CCDC93: variants seen among roughly 807,000 people sequenced by gnomAD.
The protein encoded by CCDC93 is coiled-coil domain-containing protein 93.
A neutral mutation model predicts 108.2 loss-of-function variants in CCDC93; 61 were observed. The observed-to-expected ratio is 0.56, with a 90% CI of 0.46 to 0.70. The LOEUF (loss-of-function observed/expected upper bound fraction) is 0.70. CCDC93 is among the 30% of genes least tolerant of loss of function. The probability of loss-of-function intolerance (pLI) is 0.00; values close to 1 mark genes in which losing one functional copy is unlikely to be tolerated. For missense variants in CCDC93, 685 were observed against 764.2 expected (o/e 0.90, Z 1.22); for synonymous variants, 276 against 260.4 (o/e 1.06, Z -0.58).
rs1162176329 is a variant in CCDC93 at position 117,917,637 on chromosome 2, T to C, written c.*2706A>G. On this transcript the variant is annotated 3_prime_UTR_variant, in exon 24 of 24. Transcript: ENST00000376300. ...ACTCTGACGACTGTTTAACATTCTG[T>C]ACCTCCCTCTAGTGGTGTTAGCTAA... 1 of 152,284 alleles carries C rather than the reference T, an allele frequency of 6.6e-6. No individual in the cohort carries two copies. The highest frequency in any genetic ancestry group is 2.4e-5 in the African/African-American group (1 of 41,456). The allele number at this position is 152,284 out of a possible 1,614,324, so 9.4% of individuals were successfully genotyped here.
chr2:117,989,429 G>C (rs1680412597), intron 6 of CCDC93, among the ~76,000 whole-genome samples: 1 of 152,104 alleles, frequency 6.6e-6, no homozygotes, highest in Non-Finnish European at 1.5e-5. Context: ...ACCTGTCAAA[G>C]CATCACCCAA....
chr2:117,962,218 A>G (rs572581125), intron 11 of CCDC93, among the ~76,000 whole-genome samples: 1 of 152,342 alleles, frequency 6.6e-6, no homozygotes, highest in African/African-American at 2.4e-5. Flanking sequence ...GTTCTCTCCT[A>G]TATCATCTCC....
At chr2:117,961,137 C>T (rs1470642208) in intron 11 of CCDC93, among the ~76,000 whole-genome samples, 1 of 151,930 alleles carries the variant, frequency 6.6e-6, no homozygotes, top group Non-Finnish European at 1.5e-5. Context: ...ACTGGCCAGC[C>T]ATCGTTTATG....
chr2:117,960,547 C>T (rs1679356557), intron 11 of CCDC93, among the ~76,000 whole-genome samples: 2 of 152,218 alleles, frequency 1.3e-5, no homozygotes, highest in Admixed American at 1.3e-4. Context: ...CCCCACCCAG[C>T]TTCCATGCTC....
At position 117,964,519 on chromosome 2, in the gene CCDC93, C is replaced by T. The variant is rs755980292; in HGVS notation, c.889-6038G>A. Among the ~76,000 whole-genome samples, 10 of 152,116 alleles carry T rather than the reference C, an allele frequency of 6.6e-5. No homozygotes were observed. The East Asian group carries it at 7.7e-4, about 12-fold the overall frequency. ...CCTGGGAGACAAGCAAAGAAACAAA[C>T]GAAACAGTGCTTGAGGGAAGTGCTA... On this transcript the variant is annotated intron_variant, in intron 11 of 23. Coordinates refer to ENST00000376300, the MANE Select transcript of CCDC93 (RefSeq NM_019044.5).
chr2:117,973,626 T>C (rs1020463273), intron 11 of CCDC93, among the ~76,000 whole-genome samples: 4 of 152,116 alleles, frequency 2.6e-5, no homozygotes, highest in Non-Finnish European at 4.4e-5. Flanking sequence ...GCTCATCCCA[T>C]ACCCTCAGGC....
intron 11 of CCDC93, among the ~76,000 whole-genome samples, chr2:117,969,577 C>T (rs189326890): frequency 9.2e-5 from 14 of 152,312 alleles, no homozygotes; most frequent in African/African-American, 3.4e-4. Context: ...GAAAGCTAGC[C>T]TGGTACTATT....
intron 1 of CCDC93, 124 bp downstream of exon 1, chr2:118,013,830 G>C (rs1336244404): frequency 2.0e-5 from 17 of 839,002 alleles, no homozygotes; most frequent in Non-Finnish European, 3.1e-5. Flanking sequence ...CCCTGAGGTG[G>C]ATACGCCTGA....
chr2:117,939,207 G>T, intron 19 of CCDC93, 96 bp from the exon 20 acceptor site: 1 of 730,764 alleles, frequency 1.4e-6, no homozygotes, highest in Non-Finnish European at 2.4e-6. Flanking sequence ...GGACAACTTT[G>T]TCAGGCCTGG....
intron 23 of CCDC93, among the ~76,000 whole-genome samples, chr2:117,924,124 T>C (rs1021480432): frequency 6.6e-6 from 1 of 152,066 alleles, no homozygotes; most frequent in African/African-American, 2.4e-5. Flanking sequence ...CAAAACCCCA[T>C]CTGTACATCA....
At chr2:117,942,890 T>C (rs1678747191) in intron 18 of CCDC93, among the ~76,000 whole-genome samples, 1 of 152,268 alleles carries the variant, frequency 6.6e-6, no homozygotes, top group Admixed American at 6.5e-5. Context: ...CTATTTATTA[T>C]ACTCCTCTCG....
chr2:117,956,526 A>G (rs1486682122), intron 12 of CCDC93, among the ~76,000 whole-genome samples: 1 of 152,178 alleles, frequency 6.6e-6, no homozygotes, highest in East Asian at 1.9e-4. Context: ...TCAGAGATAA[A>G]GACACCATAA....
At chr2:117,929,116 G>C (rs541736789) in intron 23 of CCDC93, among the ~76,000 whole-genome samples, 1 of 151,818 alleles carries the variant, frequency 6.6e-6, no homozygotes, top group African/African-American at 2.4e-5. Context: ...GTTGTGGGGT[G>C]GGGGGAGGTG....
At chr2:117,966,425 T>TC in intron 11 of CCDC93, among the ~76,000 whole-genome samples, 1 of 151,986 alleles carries the variant, frequency 6.6e-6, no homozygotes, top group Admixed American at 6.6e-5. Context: ...GCCATTTGAG[T>TC]CCCCCACTAA....
At chr2:117,944,537 G>T (rs1678806655) in intron 17 of CCDC93, among the ~76,000 whole-genome samples, 1 of 151,934 alleles carries the variant, frequency 6.6e-6, no homozygotes, top group Admixed American at 6.5e-5. Flanking sequence ...ACTGCAAAAA[G>T]TTCTTTTGGA....
At chr2:117,945,429 G>A (rs573327113) in intron 17 of CCDC93, 100 bp downstream of exon 17, 1 of 943,076 alleles carries the variant, frequency 1.1e-6, no homozygotes. Context: ...GTTGGCCATA[G>A]AGCACATTAA....
intron 20 of CCDC93, among the ~76,000 whole-genome samples, chr2:117,938,364 A>G (rs1208515149): frequency 6.6e-6 from 1 of 152,182 alleles, no homozygotes; most frequent in African/African-American, 2.4e-5. Context: ...TTTGTCATCA[A>G]CTTGGGAAAG....
Position 117,916,110 on chromosome 2 carries a change from C to G in CCDC93, c.*4233G>C, listed in dbSNP as rs1677674602. On this transcript the variant is annotated 3_prime_UTR_variant, in exon 24 of 24. Coordinates refer to ENST00000376300, the MANE Select transcript of CCDC93 (RefSeq NM_019044.5). ...TATGCATTTGCACTTTTGATAGACA[C>G]CGTCCAGCTGTCCCCCATGGAGTGC... 1.3e-5 allele frequency: 2 copies of G among 152,166 alleles called. No individual in the cohort carries two copies. 9.4% of individuals were successfully genotyped at this position (152,166 alleles called of 1,614,324 possible).
At position 117,967,576 on chromosome 2, in the gene CCDC93, G is replaced by A. The variant is rs563115147; in HGVS notation, c.888+6332C>T. Among the ~76,000 whole-genome samples, 9 of 152,354 alleles carry A rather than the reference G, an allele frequency of 5.9e-5. No individual in the cohort carries two copies. In the South Asian group the frequency reaches 1.7e-3, roughly 28 times the overall value. ...CCAAGCCTGGAAGGCAGACACTAAG[G>A]ATGGTAAAGGAGGCTGTCCCTGCTT... On this transcript the variant is annotated intron_variant, in intron 11 of 23. Coordinates refer to ENST00000376300, the MANE Select transcript of CCDC93 (RefSeq NM_019044.5).
Sources: gnomAD v4.1 joint callset for allele counts (sites outside exome capture counted in the v4.1 genomes callset) on GRCh38, gnomAD v4.1.1 for gene constraint, MANE v1.5 for transcripts, NCBI Gene and HGNC (gene_info 2026-07-23, HGNC 2026-07-21) for gene names.